SEMA6D: variants seen among roughly 807,000 people sequenced by gnomAD.
The protein encoded by SEMA6D is semaphorin-6D.
In SEMA6D, 35 loss-of-function variants were observed where a neutral mutation model predicts 106.6. That is an observed-to-expected ratio of 0.33 (90% CI 0.25 to 0.44). The LOEUF is 0.44. SEMA6D is among the 20% of genes least tolerant of loss of function. The probability of loss-of-function intolerance (pLI) is 1.00; values close to 1 mark genes in which losing one functional copy is unlikely to be tolerated. For synonymous variants in SEMA6D, 499 were observed against 487.7 expected, an observed-to-expected ratio of 1.02 and a Z score of -0.31; for missense variants, 1,185 against 1,345.9, an observed-to-expected ratio of 0.88 and a Z score of 1.87.
chr15:47,322,279 AT>A (rs200999593), intron 1 of SEMA6D, among the ~76,000 whole-genome samples: 761 of 138,772 alleles, frequency 5.5e-3, no homozygotes, highest in Non-Finnish European at 5.9e-3. Flanking sequence ...TTCACTAGTT[AT>A]TTTTTTTTTT....
chr15:47,262,544 G>C (rs1202438089), intron 1 of SEMA6D, among the ~76,000 whole-genome samples: 1 of 151,986 alleles, frequency 6.6e-6, no homozygotes, highest in Non-Finnish European at 1.5e-5. Context: ...AGAATAGCAT[G>C]GGGGAAATGG....
intron 4 of SEMA6D, among the ~76,000 whole-genome samples, chr15:47,688,441 G>A (rs1242673123): frequency 1.3e-5 from 2 of 152,110 alleles, no homozygotes; most frequent in Non-Finnish European, 2.9e-5. Context: ...AATCATAATA[G>A]AAGCTGGAAT....
intron 3 of SEMA6D, among the ~76,000 whole-genome samples, chr15:47,474,966 A>C (rs2042963886): frequency 6.6e-6 from 1 of 152,166 alleles, no homozygotes; most frequent in African/African-American, 2.4e-5. Context: ...AGGGTGATAG[A>C]GTCTCCTTCA....
intron 1 of SEMA6D, among the ~76,000 whole-genome samples, chr15:47,335,126 A>T (rs2037499475): frequency 6.6e-6 from 1 of 152,050 alleles, no homozygotes. Flanking sequence ...AGTATGGGGG[A>T]AGGGCAAAAC....
intron 4 of SEMA6D, among the ~76,000 whole-genome samples, chr15:47,642,456 A>G (rs2077506163): frequency 6.6e-6 from 1 of 152,042 alleles, no homozygotes; most frequent in Non-Finnish European, 1.5e-5. Context: ...ACACACACAC[A>G]CTAGCTGCTG....
At chr15:47,458,177 T>TAA (rs1221692382) in intron 2 of SEMA6D, among the ~76,000 whole-genome samples, 1 of 152,024 alleles carries the variant, frequency 6.6e-6, no homozygotes, top group Non-Finnish European at 1.5e-5. Flanking sequence ...AAAATACTCT[T>TAA]AAAAATCTCT....
At chr15:47,530,106 C>T (rs2044907667) in intron 3 of SEMA6D, among the ~76,000 whole-genome samples, 1 of 152,186 alleles carries the variant, frequency 6.6e-6, no homozygotes, top group African/African-American at 2.4e-5. Flanking sequence ...TCCTGTCATG[C>T]TTTTGGGCTG....
At chr15:47,335,504 C>T (rs949552550) in intron 1 of SEMA6D, among the ~76,000 whole-genome samples, 1 of 152,040 alleles carries the variant, frequency 6.6e-6, no homozygotes, top group Non-Finnish European at 1.5e-5. Context: ...TGATATGCTT[C>T]CTATGCAAGC....
chr15:47,420,389 A>G (rs977730963), intron 2 of SEMA6D, among the ~76,000 whole-genome samples: 3 of 151,622 alleles, frequency 2.0e-5, no homozygotes, highest in Non-Finnish European at 2.9e-5. Context: ...CCCTCCCCTA[A>G]TTTTCTCTCC....
chr15:47,460,514 A>G (rs1334768308), intron 2 of SEMA6D, among the ~76,000 whole-genome samples: 1 of 152,134 alleles, frequency 6.6e-6, no homozygotes, highest in Non-Finnish European at 1.5e-5. Context: ...ATCTGCTATG[A>G]TTAAAAACTA....
intron 1 of SEMA6D, among the ~76,000 whole-genome samples, chr15:47,371,707 T>C (rs1236955497): frequency 6.6e-6 from 1 of 152,156 alleles, no homozygotes; most frequent in African/African-American, 2.4e-5. Flanking sequence ...TTGTGAGCCA[T>C]TAAAAAAAAT....
intron 3 of SEMA6D, among the ~76,000 whole-genome samples, chr15:47,489,528 A>G (rs79114570): frequency 0.035 from 5,297 of 152,214 alleles, 239 homozygotes; most frequent in African/African-American, 0.1. Context: ...AAAAATCCCT[A>G]TGCGTTTGTC....
intron 1 of SEMA6D, among the ~76,000 whole-genome samples, chr15:47,208,888 T>A (rs551758381): frequency 2.0e-5 from 3 of 152,146 alleles, no homozygotes; most frequent in African/African-American, 7.2e-5. Context: ...GAGTCCCTCA[T>A]ACTGCCTGTG....
chr15:47,370,746 G>A (rs1442564322), intron 1 of SEMA6D, among the ~76,000 whole-genome samples: 3 of 148,574 alleles, frequency 2.0e-5, no homozygotes, highest in Admixed American at 1.4e-4. Flanking sequence ...AGTAGTCCCA[G>A]CTACTCATAA....
chr15:47,322,213 A>G (rs1427858174), intron 1 of SEMA6D, among the ~76,000 whole-genome samples: 1 of 152,070 alleles, frequency 6.6e-6, no homozygotes, highest in Non-Finnish European at 1.5e-5. Context: ...TTCCCCTAAT[A>G]CTAGGAAATT....
chr15:47,759,939 G>C lies in SEMA6D; in HGVS notation c.109+32G>C, dbSNP rs780799370. 2.1e-6 allele frequency: 3 copies of C among 1,461,838 alleles called. No individual in the cohort carries two copies. The East Asian group carries it at 6.8e-5, about 33-fold the overall frequency. 90.6% of individuals were successfully genotyped at this position (1,461,838 alleles called of 1,614,324 possible). A position where few individuals can be genotyped will look rare whatever the true frequency, so the allele number is the denominator to read the frequency against. On this transcript the variant is annotated intron_variant, in intron 2 of 18. Coordinates refer to ENST00000536845, the MANE Select transcript of SEMA6D (RefSeq NM_001358351.3). ...CGTCTCAAGAACAGTCTTCTATTCT[G>C]AGAAGGAAGCTTTTCTGTTTTTCAT...
At chr15:47,695,276 T>A (rs2078674527) in intron 4 of SEMA6D, among the ~76,000 whole-genome samples, 1 of 152,230 alleles carries the variant, frequency 6.6e-6, no homozygotes. Context: ...CCTTTAAGAA[T>A]CTTGCTAGAA....
chr15:47,254,331 G>GTGTATATATATATATA (rs33925888), intron 1 of SEMA6D, among the ~76,000 whole-genome samples: 2 of 139,254 alleles, frequency 1.4e-5, no homozygotes, highest in African/African-American at 5.3e-5. Flanking sequence ...GTGTGTGTGT[G>GTGTATATATATATATA]TATATATATA....
In SEMA6D at chr15:47,768,745, A is replaced by G. The variant is rs757112745; in HGVS notation, c.1930A>G (p.Lys644Glu). Residue 644 changes from lysine (K) to glutamate (E), a missense_variant, in exon 18 of 19, where the codon AAG becomes GAG. Physicochemically the swap from Lys to Glu is moderately conservative, Grantham distance 56 (BLOSUM62 1). Coordinates refer to ENST00000536845, the MANE Select transcript of SEMA6D (RefSeq NM_001358351.3). ...DFTDPLSGIP[K>E]GVRWEVQSGE... ...TACTGATCCTTTATCGGGTATCCCA[A>G]AGGGTAAGGCCTCAGCAGGGACCTC... 8.7e-6 allele frequency: 14 copies of G among 1,612,564 alleles called. 1 individual carries two copies. Among genetic ancestry groups the G allele is most frequent in the South Asian group, 2.2e-5 (2 of 90,880 alleles).
Sources: allele counts gnomAD v4.1 joint callset (sites outside exome capture counted in the v4.1 genomes callset), GRCh38; gene constraint gnomAD v4.1.1; transcripts MANE v1.5; gene names NCBI Gene and HGNC (gene_info 2026-07-23, HGNC 2026-07-21).